The following ZNF469 variants were observed in gnomAD, a reference collection of about 807,000 sequenced individuals.
ZNF469 encodes zinc finger protein 469.
A neutral mutation model predicts 1.0 loss-of-function variants in ZNF469; 1 was observed. That is an observed-to-expected ratio of 1.00 (90% CI 0.35 to 4.73). The LOEUF (loss-of-function observed/expected upper bound fraction) is 4.73. ZNF469 is among the 30% of genes most tolerant of loss of function. The pLI is 0.16. For missense variants in ZNF469, 6,100 were observed against 5,356.3 expected (o/e 1.14, Z -4.33); for synonymous variants, 2,703 against 2,363.4 (o/e 1.14, Z -4.17).
the ZNF469 span, among the ~76,000 whole-genome samples, chr16:88,225,236 A>G: frequency 1.3e-5 from 2 of 152,186 alleles, no homozygotes; most frequent in African/African-American, 4.8e-5. Context: ...AAATATTCTA[A>G]AAATCACCCT....
chr16:88,324,740 T>G, the ZNF469 span, among the ~76,000 whole-genome samples: 1 of 152,196 alleles, frequency 6.6e-6, no homozygotes, highest in African/African-American at 2.4e-5. Context: ...GGCGGCACCT[T>G]CCAGATGTTG....
At chr16:88,105,957 G>A in the ZNF469 span, among the ~76,000 whole-genome samples, 4 of 152,240 alleles carry the variant, frequency 2.6e-5, no homozygotes, top group Non-Finnish European at 4.4e-5. Context: ...GCTCCATCAT[G>A]GTTGCAAGCT....
At chr16:88,117,251 G>C in the ZNF469 span, among the ~76,000 whole-genome samples, 5 of 152,016 alleles carry the variant, frequency 3.3e-5, no homozygotes, top group Non-Finnish European at 7.4e-5. Flanking sequence ...ACGTGTGAGA[G>C]CCGGGGACGT....
the ZNF469 span, among the ~76,000 whole-genome samples, chr16:88,228,938 C>T: frequency 6.6e-6 from 1 of 152,172 alleles, no homozygotes; most frequent in East Asian, 1.9e-4. Context: ...GGGCAGAAGC[C>T]AGGCGGGGAG....
the ZNF469 span, among the ~76,000 whole-genome samples, chr16:88,148,212 C>T: frequency 1.3e-5 from 2 of 152,138 alleles, no homozygotes; most frequent in Non-Finnish European, 2.9e-5. Flanking sequence ...ACCAACTTGC[C>T]CCTCTGAGGG....
intron 1 of ZNF469, among the ~76,000 whole-genome samples, chr16:88,414,040 G>A (rs762347542): frequency 2.0e-5 from 3 of 151,886 alleles, no homozygotes; most frequent in African/African-American, 4.8e-5. Flanking sequence ...CTCAGCATCC[G>A]AGCTTTCCCT....
the ZNF469 span, among the ~76,000 whole-genome samples, chr16:88,123,894 C>G: frequency 1.1e-4 from 17 of 152,096 alleles, no homozygotes; most frequent in Non-Finnish European, 1.6e-4. Flanking sequence ...AACTCCGTCT[C>G]CCAGGTTCAA....
At position 88,433,177 on chromosome 16, in the gene ZNF469, C is replaced by G; in HGVS notation, c.5707C>G (p.Arg1903Gly). The change falls in exon 3 of 3, where the codon CGT becomes GGT. Residue 1903 changes from arginine (R) to glycine (G), a missense_variant. By Grantham distance (125) the Arg-to-Gly change is moderately radical (BLOSUM62 -2). Transcript: ENST00000565624. ...GGACCCAGCTTTGAGCCCCCCCATA[C>G]GTCAGCTCCAGCTCCCAGGGCCTGG... The part of the protein sequence containing the change: ...SQDPALSPPI[R>G]QLQLPGPGVA... The G allele has an allele frequency of 1.9e-6, 3 of 1,550,340 alleles. No individual in the cohort carries two copies. In the East Asian group the frequency reaches 7.3e-5, roughly 38 times the overall value.
the ZNF469 span, among the ~76,000 whole-genome samples, chr16:88,117,573 C>CGGACCGTGGAGGTGCCACGTGCCTTCGG: frequency 1.3e-3 from 29 of 22,226 alleles, 1 homozygote; most frequent in South Asian, 0.017. Flanking sequence ...CGTGCCTTCA[C>CGGACCGTGGAGGTGCCACGTGCCTTCGG]GGACCGTGGA....
rs1193933140 is a variant in ZNF469 at position 88,433,971 on chromosome 16, C to G, written c.6501C>G (p.Ala2167=). Residue 2167 remains alanine, a synonymous_variant, in exon 3 of 3, where the codon GCC becomes GCG. Coordinates refer to ENST00000565624, the MANE Select transcript of ZNF469 (RefSeq NM_001367624.2). The part of the protein sequence containing the change: ...RDPPGPQQLL[A]CSPAWAPLEE... ...CTCCCGGCCCCCAGCAGCTGCTGGC[C>G]TGTTCTCCTGCCTGGGCACCTCTGG... 6.5e-7 allele frequency: 1 copy of G among 1,550,278 alleles called. No homozygotes were observed.
chr16:88,249,187 A>G, the ZNF469 span, among the ~76,000 whole-genome samples: 3 of 151,612 alleles, frequency 2.0e-5, no homozygotes, highest in South Asian at 6.3e-4. Context: ...TATGGGTAAG[A>G]TAACAATATG....
chr16:88,403,815 C>T (rs532559085), intron 1 of ZNF469, among the ~76,000 whole-genome samples: 29 of 152,304 alleles, frequency 1.9e-4, no homozygotes, highest in African/African-American at 4.6e-4. Flanking sequence ...GGATGCCTCC[C>T]GCCCCCACTC....
chr16:88,394,917 G>A (rs1259319661), intron 1 of ZNF469, among the ~76,000 whole-genome samples: 1 of 152,030 alleles, frequency 6.6e-6, no homozygotes, highest in Non-Finnish European at 1.5e-5. Context: ...TACTCACCCC[G>A]ATCCCTCCCT....
the ZNF469 span, among the ~76,000 whole-genome samples, chr16:88,105,801 G>A: frequency 1.3e-5 from 2 of 152,246 alleles, no homozygotes; most frequent in African/African-American, 4.8e-5. Context: ...ATAACGGCAC[G>A]TGTGCTACGT....
At chr16:88,347,276 C>T in the ZNF469 span, among the ~76,000 whole-genome samples, 2 of 152,168 alleles carry the variant, frequency 1.3e-5, no homozygotes, top group Non-Finnish European at 2.9e-5. Context: ...CGTCAGGGCC[C>T]CACCCCCACA....
the ZNF469 span, among the ~76,000 whole-genome samples, chr16:88,118,194 C>G: frequency 1.3e-5 from 2 of 152,360 alleles, no homozygotes; most frequent in South Asian, 4.1e-4. Context: ...CTGCCCGTCT[C>G]AGCCTCCCAA....
At chr16:88,157,520 A>T in the ZNF469 span, among the ~76,000 whole-genome samples, 15 of 152,052 alleles carry the variant, frequency 9.9e-5, no homozygotes, top group Admixed American at 8.5e-4. Flanking sequence ...AGCCATGGTG[A>T]GGGTGGGACA....
At chr16:88,412,717 C>G (rs144285247) in intron 1 of ZNF469, among the ~76,000 whole-genome samples, 12 of 152,310 alleles carry the variant, frequency 7.9e-5, no homozygotes, top group African/African-American at 2.9e-4. Flanking sequence ...CGGGGGACCT[C>G]GTCAGGGCGG....
chr16:88,260,216 T>C, the ZNF469 span, among the ~76,000 whole-genome samples: 232 of 152,066 alleles, frequency 1.5e-3, 1 homozygote, highest in Non-Finnish European at 2.7e-3. This position sits in a 1 kb window ranked among gnomAD's most constrained non-coding sequence, Gnocchi z 4.1. Flanking sequence ...CTCACACTCC[T>C]GACCTCAAAT....
Sources: allele counts gnomAD v4.1 joint callset (sites outside exome capture counted in the v4.1 genomes callset), GRCh38; gene constraint gnomAD v4.1.1; non-coding constraint Gnocchi (gnomAD v3.1); transcripts MANE v1.5; gene names NCBI Gene and HGNC (gene_info 2026-07-23, HGNC 2026-07-21).